Variants in IGF1R observed in about 807,000 individuals in gnomAD.
The protein encoded by IGF1R is insulin-like growth factor 1 receptor.
A neutral mutation model predicts 144.6 loss-of-function variants in IGF1R; 44 were observed. That is an observed-to-expected ratio of 0.30 (90% CI 0.24 to 0.39). The LOEUF is 0.39. IGF1R is among the 10% of genes least tolerant of loss of function. The pLI, the probability that IGF1R is intolerant of heterozygous loss-of-function variation, is 1.00. For synonymous variants in IGF1R, 795 were observed against 722.8 expected, an observed-to-expected ratio of 1.10 and a Z score of -1.60; for missense variants, 1,355 against 1,833.7, an observed-to-expected ratio of 0.74 and a Z score of 4.77.
At chr15:98,759,249 T>A (rs2055234499) in intron 2 of IGF1R, among the ~76,000 whole-genome samples, 1 of 152,254 alleles carries the variant, frequency 6.6e-6, no homozygotes, top group Non-Finnish European at 1.5e-5. Context: ...TATTGCCATC[T>A]GTATCTCAGT....
chr15:98,721,029 G>A (rs1005571774), intron 2 of IGF1R, among the ~76,000 whole-genome samples: 24 of 152,192 alleles, frequency 1.6e-4, no homozygotes, highest in Admixed American at 3.9e-4. Context: ...TTTGGGAGTT[G>A]GGTGCGTTCT....
intron 2 of IGF1R, among the ~76,000 whole-genome samples, chr15:98,882,686 G>A (rs1451797278): frequency 6.6e-6 from 1 of 152,062 alleles, no homozygotes; most frequent in African/African-American, 2.4e-5. Flanking sequence ...AGTGATGAGG[G>A]GTGAAAATAT....
intron 15 of IGF1R, among the ~76,000 whole-genome samples, 194 bp downstream of exon 15, chr15:98,930,499 T>C (rs1441254383): frequency 6.6e-6 from 1 of 152,174 alleles, no homozygotes; most frequent in African/African-American, 2.4e-5. Context: ...AGTGAATATG[T>C]CAAAACTTGT....
intron 1 of IGF1R, among the ~76,000 whole-genome samples, chr15:98,699,216 T>G (rs1350111596): frequency 6.6e-6 from 1 of 152,138 alleles, no homozygotes; most frequent in Non-Finnish European, 1.5e-5. Flanking sequence ...CTTCGGAGGT[T>G]TAGGGTGCTG....
intron 2 of IGF1R, among the ~76,000 whole-genome samples, chr15:98,769,578 CAG>C (rs1432948109): frequency 2.6e-5 from 4 of 152,184 alleles, no homozygotes; most frequent in African/African-American, 4.8e-5. Flanking sequence ...CAGATGCTCT[CAG>C]AATCACAGCG....
chr15:98,950,196 C>G (rs2016720272), intron 20 of IGF1R, among the ~76,000 whole-genome samples: 1 of 152,212 alleles, frequency 6.6e-6, no homozygotes, highest in South Asian at 2.1e-4. Flanking sequence ...TCTCACCCAT[C>G]CACCCCCCTG....
chr15:98,931,920 G>A (rs1004677075), intron 15 of IGF1R, among the ~76,000 whole-genome samples: 1 of 152,178 alleles, frequency 6.6e-6, no homozygotes, highest in African/African-American at 2.4e-5. Flanking sequence ...AAATCAGTAA[G>A]GAAGGGAGTC....
chr15:98,777,168 G>A (rs530887750), intron 2 of IGF1R, among the ~76,000 whole-genome samples: 1 of 152,148 alleles, frequency 6.6e-6, no homozygotes, highest in South Asian at 2.1e-4. Context: ...CAGGAGGGGC[G>A]GGTGTCCTGA....
chr15:98,696,968 C>G (rs2053610077), intron 1 of IGF1R, among the ~76,000 whole-genome samples: 1 of 152,154 alleles, frequency 6.6e-6, no homozygotes, highest in African/African-American at 2.4e-5. Flanking sequence ...TGCGGATTGT[C>G]CTCCGGATGC....
chr15:98,771,720 G>A (rs1353933874), intron 2 of IGF1R, among the ~76,000 whole-genome samples: 1 of 131,224 alleles, frequency 7.6e-6, no homozygotes, highest in African/African-American at 2.7e-5. Context: ...ACATTTTCAT[G>A]TTCAAATGAA....
chr15:98,779,776 C>T (rs996291113), intron 2 of IGF1R, among the ~76,000 whole-genome samples: 3 of 152,182 alleles, frequency 2.0e-5, no homozygotes, highest in East Asian at 1.9e-4. Flanking sequence ...GAACCACAGC[C>T]CTCCAGTAGA....
intron 2 of IGF1R, among the ~76,000 whole-genome samples, chr15:98,763,810 G>A (rs1235689014): frequency 2.0e-5 from 3 of 152,202 alleles, no homozygotes; most frequent in Admixed American, 6.5e-5. Flanking sequence ...TTGTCCAGGT[G>A]TGCTTGTAGA....
At chr15:98,956,984 C>G in intron 20 of IGF1R, 77 bp from the exon 21 acceptor site, 1 of 1,517,588 alleles carries the variant, frequency 6.6e-7, no homozygotes, top group Non-Finnish European at 9.1e-7. Flanking sequence ...CGGGAAACCA[C>G]TGCAGGCGGC....
intron 2 of IGF1R, among the ~76,000 whole-genome samples, chr15:98,855,252 G>T (rs1292617019): frequency 6.6e-6 from 1 of 152,182 alleles, no homozygotes; most frequent in Non-Finnish European, 1.5e-5. Context: ...AGCCAGGCAG[G>T]CCTGTGTGTC....
At chr15:98,780,170 TAAAAA>T (rs528014457) in intron 2 of IGF1R, among the ~76,000 whole-genome samples, 4 of 150,642 alleles carry the variant, frequency 2.7e-5, no homozygotes, top group South Asian at 4.2e-4. Flanking sequence ...ATAAATAAAA[TAAAAA>T]AAGAAAAAAG....
intron 6 of IGF1R, among the ~76,000 whole-genome samples, chr15:98,910,921 T>C (rs773633308): frequency 5.3e-5 from 8 of 152,214 alleles, no homozygotes; most frequent in Non-Finnish European, 1.2e-4. Context: ...ATCGTCTCTC[T>C]TAAGAAGTTT....
Position 98,661,956 on chromosome 15 carries a change from C to CTTTTTTTTTTTTTTTTTTTTTTTTTTT in IGF1R, c.94+12307_94+12308insTTTTTTTTTTTTTTTTTTTTTTTTTTT, listed in dbSNP as rs869208651. On this transcript the variant is annotated intron_variant, in intron 1 of 20. Coordinates refer to ENST00000650285, the MANE Select transcript of IGF1R (RefSeq NM_000875.5). ...GAATTGCTGCCAGTTGAATAGGGCC[C>CTTTTTTTTTTTTTTTTTTTTTTTTTTT]TTTTTTTTTTTTTTTTTTTTTTTTT... Among the ~76,000 whole-genome samples, 8 of 105,748 alleles carry CTTTTTTTTTTTTTTTTTTTTTTTTTTT rather than the reference C, an allele frequency of 7.6e-5. 2 individuals carry two copies. The highest frequency in any genetic ancestry group is 2.2e-4 in the African/African-American group (5 of 22,326). 69.4% of individuals were successfully genotyped at this position (105,748 alleles called of 152,430 possible).
rs576962850 is a variant in IGF1R, at chr15:98,957,793, C to T, written c.*351C>T. 24 of 350,166 alleles carry T rather than the reference C, an allele frequency of 6.9e-5. 1 individual carries two copies. The East Asian group carries it at 8.8e-4, about 13-fold the overall frequency. 21.7% of individuals were successfully genotyped at this position (350,166 alleles called of 1,614,324 possible). A position where few individuals can be genotyped will look rare whatever the true frequency, so the allele number is the denominator to read the frequency against. Reference sequence around the variant, plus strand: ...TTTCTCTCTCCTCTCTGCTTCATAACGGAAAAATAATTGCCACAAGTCCAG... The same window carrying T: ...TTTCTCTCTCCTCTCTGCTTCATAATGGAAAAATAATTGCCACAAGTCCAG... On this transcript the variant is annotated 3_prime_UTR_variant, in exon 21 of 21. Transcript: ENST00000650285.
chr15:98,719,803 C>T (rs1312905952), intron 2 of IGF1R, among the ~76,000 whole-genome samples: 2 of 152,104 alleles, frequency 1.3e-5, no homozygotes, highest in Admixed American at 6.5e-5. Flanking sequence ...TGACTTGACT[C>T]GGTCCCACTG....
Sources: allele counts gnomAD v4.1 joint callset (sites outside exome capture counted in the v4.1 genomes callset), GRCh38; gene constraint gnomAD v4.1.1; transcripts MANE v1.5; gene names NCBI Gene and HGNC (gene_info 2026-07-23, HGNC 2026-07-21).